The following IL1RAP variants were observed in gnomAD, a reference collection of about 807,000 sequenced individuals.
IL1RAP encodes the protein interleukin 1 receptor accessory protein, also known as interleukin-1 receptor accessory protein.
IL1RAP carries 35 observed loss-of-function variants against 60.7 expected under a neutral mutation model. The observed-to-expected ratio is 0.58, with a 90% CI of 0.44 to 0.76. The LOEUF (loss-of-function observed/expected upper bound fraction) is 0.76. Among genes scored for constraint, IL1RAP ranks in the 30% least tolerant of loss-of-function variants. IL1RAP has a pLI of 0.00. For missense variants in IL1RAP, 572 were observed against 693.9 expected, an observed-to-expected ratio of 0.82 and a Z score of 1.97; for synonymous variants, 268 against 250.9, an observed-to-expected ratio of 1.07 and a Z score of -0.64.
At position 190,623,425 on chromosome 3, in the gene IL1RAP, G is replaced by C. The variant is rs376037645; in HGVS notation, c.775+10G>C. 8 of 1,584,146 alleles carry C rather than the reference G, an allele frequency of 5.1e-6. No homozygotes were observed. In the African/African-American group the frequency reaches 1.1e-4, roughly 21 times the overall value. ...TATGAGAAAGAACCAGGTAATTACA[G>C]CTATGTCTCTGAATTTCACTTAGAT... On this transcript the variant is annotated intron_variant, in intron 7 of 11. Coordinates refer to ENST00000447382, the MANE Select transcript of IL1RAP (RefSeq NM_002182.4).
intron 3 of IL1RAP, among the ~76,000 whole-genome samples, chr3:190,602,811 T>TA (rs892276921): frequency 6.6e-6 from 1 of 152,058 alleles, no homozygotes; most frequent in African/African-American, 2.4e-5. Flanking sequence ...ATTACAGAGT[T>TA]AAAAAAATAC....
chr3:190,632,001 C>T (rs1732828901), intron 9 of IL1RAP, among the ~76,000 whole-genome samples: 1 of 151,892 alleles, frequency 6.6e-6, no homozygotes, highest in Non-Finnish European at 1.5e-5. Flanking sequence ...CAGGATTTCA[C>T]CATGTTGGCC....
intron 3 of IL1RAP, among the ~76,000 whole-genome samples, chr3:190,567,334 A>G (rs1726503368): frequency 1.3e-5 from 2 of 152,198 alleles, no homozygotes; most frequent in African/African-American, 4.8e-5. Flanking sequence ...TAGCGATTCT[A>G]TAATTATAAT....
intron 9 of IL1RAP, among the ~76,000 whole-genome samples, chr3:190,642,815 T>C (rs1156389897): frequency 6.6e-6 from 1 of 152,146 alleles, no homozygotes; most frequent in African/African-American, 2.4e-5. Context: ...CAGAAGCTTC[T>C]GGCAAATGGT....
chr3:190,609,484 G>A (rs1730636565), intron 5 of IL1RAP, among the ~76,000 whole-genome samples: 1 of 152,146 alleles, frequency 6.6e-6, no homozygotes, highest in African/African-American at 2.4e-5. Flanking sequence ...TCTAGTTCCT[G>A]CTTAGTGAAG....
chr3:190,590,940 C>T (rs1263241273), intron 3 of IL1RAP, among the ~76,000 whole-genome samples: 1 of 152,168 alleles, frequency 6.6e-6, no homozygotes, highest in Admixed American at 6.5e-5. Context: ...ATACTTGCTA[C>T]AAGTAAACTC....
At chr3:190,627,284 GT>G in intron 7 of IL1RAP, 38 bp from the exon 8 acceptor site, 2 of 1,425,206 alleles carry the variant, frequency 1.4e-6, no homozygotes, top group Non-Finnish European at 1.9e-6. Context: ...GTTTTGTTTT[GT>G]TTTTTGTTTT....
At chr3:190,634,361 T>A (rs1394110027) in intron 9 of IL1RAP, among the ~76,000 whole-genome samples, 1 of 150,630 alleles carries the variant, frequency 6.6e-6, no homozygotes, top group African/African-American at 2.4e-5. Flanking sequence ...CGATCTCGGC[T>A]CAGTGCAACC....
chr3:190,657,592 A>G (rs771985597), exon 12 of IL1RAP: 3 of 152,214 alleles, frequency 2.0e-5, no homozygotes, highest in African/African-American at 4.8e-5. Flanking sequence ...ATACCAGCTT[A>G]TTTTACATGC....
intron 1 of IL1RAP, among the ~76,000 whole-genome samples, chr3:190,526,913 T>G (rs1434503935): frequency 6.6e-6 from 1 of 152,222 alleles, no homozygotes; most frequent in African/African-American, 2.4e-5. Context: ...CAGCAGGGCA[T>G]GCAGTGTGGA....
Position 190,543,039 on chromosome 3 carries a change from G to A in IL1RAP, c.-88-13091G>A, listed in dbSNP as rs2108568002. Among the ~76,000 whole-genome samples, 3 of 152,038 alleles carry A rather than the reference G, an allele frequency of 2.0e-5. No individual in the cohort carries two copies. The Middle Eastern group carries it at 0.01, about 517-fold the overall frequency. On this transcript the variant is annotated intron_variant, in intron 1 of 11. Transcript: ENST00000447382. ...CAGGCTGTTCCCTCGATGGTCATTG[G>A]GTGGGGGCTCACTAAGCAACTCTGT...
chr3:190,656,399 G>A, downstream of IL1RAP: 1 of 1,537,230 alleles, frequency 6.5e-7, no homozygotes, highest in Non-Finnish European at 8.7e-7. Flanking sequence ...TACTGTGAAG[G>A]AGAGAATCAC....
At chr3:190,636,692 A>G (rs1733252341) in intron 9 of IL1RAP, among the ~76,000 whole-genome samples, 1 of 151,986 alleles carries the variant, frequency 6.6e-6, no homozygotes, top group South Asian at 2.1e-4. Flanking sequence ...ATGCTTTTAT[A>G]CTTATACTTT....
intron 8 of IL1RAP, among the ~76,000 whole-genome samples, chr3:190,628,786 T>A (rs1732527609): frequency 6.6e-6 from 1 of 152,226 alleles, no homozygotes; most frequent in African/African-American, 2.4e-5. Context: ...TCCTATGGGA[T>A]AACAGTAATA....
chr3:190,645,554 C>A, intron 10 of IL1RAP, 145 bp from the exon 11 acceptor site: 1 of 616,250 alleles, frequency 1.6e-6, no homozygotes, highest in Non-Finnish European at 2.8e-6. Context: ...AGTCGTTTTG[C>A]GTGGAGACTT....
At chr3:190,579,341 A>C (rs1362564427) in intron 3 of IL1RAP, among the ~76,000 whole-genome samples, 1 of 152,232 alleles carries the variant, frequency 6.6e-6, no homozygotes, top group Non-Finnish European at 1.5e-5. Flanking sequence ...GGGATGAATG[A>C]TATCATACAG....
chr3:190,644,150 T>A (rs1733846107), intron 9 of IL1RAP, 98 bp from the exon 10 acceptor site: 2 of 1,494,048 alleles, frequency 1.3e-6, no homozygotes, highest in Admixed American at 4.7e-5. Context: ...GGCAGGTGCA[T>A]AGCTAAGCTG....
In IL1RAP at chr3:190,644,214, G is replaced by C. The variant is rs768130081; in HGVS notation, c.1052-34G>C. On this transcript the variant is annotated intron_variant, in intron 9 of 11. Coordinates refer to ENST00000447382, the MANE Select transcript of IL1RAP (RefSeq NM_002182.4). ...GGTGGGTCACTGTGGTCACCACACA[G>C]AAATCAATTCTGTTTCTTTGTTGTT... 12 of 1,597,462 alleles carry C rather than the reference G, an allele frequency of 7.5e-6. No homozygotes were observed. In the East Asian group the frequency reaches 2.5e-4, roughly 33 times the overall value.
intron 9 of IL1RAP, among the ~76,000 whole-genome samples, chr3:190,639,405 G>A (rs192968948): frequency 2.2e-3 from 342 of 152,040 alleles, no homozygotes; most frequent in African/African-American, 8.1e-3. Flanking sequence ...ATGTCTAATC[G>A]ATAGCATTTT....
Sources: allele counts gnomAD v4.1 joint callset (sites outside exome capture counted in the v4.1 genomes callset), GRCh38; gene constraint gnomAD v4.1.1; transcripts MANE v1.5; gene names NCBI Gene and HGNC (gene_info 2026-07-23, HGNC 2026-07-21).